The following AGBL2 variants were observed in gnomAD, a reference collection of about 807,000 sequenced individuals.
The protein encoded by AGBL2 is cytosolic carboxypeptidase 2.
In AGBL2, 87 loss-of-function variants were observed where a neutral mutation model predicts 103.0. The observed-to-expected ratio is 0.84, with a 90% CI of 0.71 to 1.01. The LOEUF is 1.01. AGBL2 is among the 50% of genes least tolerant of loss of function. The probability of loss-of-function intolerance (pLI) is 0.00; values close to 1 mark genes in which losing one functional copy is unlikely to be tolerated. For synonymous variants in AGBL2, 335 were observed against 356.7 expected (o/e 0.94, Z 0.69); for missense variants, 904 against 1,023.5 (o/e 0.88, Z 1.59).
At position 47,714,616 on chromosome 11, in the gene AGBL2, A is replaced by G. The variant is rs2097545039; in HGVS notation, c.33+2T>C. 6.2e-7 allele frequency: 1 copy of G among 1,613,550 alleles called. No homozygotes were observed. Among genetic ancestry groups the G allele is most frequent in the Admixed American group, 1.7e-5 (1 of 59,884 alleles). On this transcript the variant is annotated splice_donor_variant, in intron 2 of 18. Coordinates refer to ENST00000525123, the MANE Select transcript of AGBL2 (RefSeq NM_024783.4). LOFTEE classifies it high-confidence loss of function. The stretch of plus-strand genomic sequence containing the variant: ...CTGTGGCTTTCCGTGTTGTGTACCG[A>G]CCTGCTTTAGGTGCGTTTCCAAAGC...
chr11:47,669,551 C>T (rs556993197), intron 14 of AGBL2, among the ~76,000 whole-genome samples: 7 of 151,940 alleles, frequency 4.6e-5, no homozygotes, highest in Admixed American at 2.0e-4. Flanking sequence ...TGGTGGCGCA[C>T]GCCTGTAGTC....
intron 3 of AGBL2, among the ~76,000 whole-genome samples, chr11:47,711,913 C>CA (rs1004739110): frequency 1.3e-5 from 2 of 151,930 alleles, no homozygotes; most frequent in Non-Finnish European, 2.9e-5. Flanking sequence ...CATGTCTCTA[C>CA]AAAAAAAATT....
chr11:47,695,137 G>C (rs543268419), intron 8 of AGBL2, among the ~76,000 whole-genome samples: 1 of 150,406 alleles, frequency 6.6e-6, no homozygotes, highest in South Asian at 2.1e-4. Context: ...GCAACAGACC[G>C]AGACTCCGTC....
chr11:47,713,205 G>T (rs2097540503), intron 3 of AGBL2, among the ~76,000 whole-genome samples: 1 of 151,092 alleles, frequency 6.6e-6, no homozygotes, highest in South Asian at 2.1e-4. Context: ...TTAGCTGGGA[G>T]TGGTGGTGGG....
At chr11:47,706,266 C>T (rs2097518919) in intron 4 of AGBL2, among the ~76,000 whole-genome samples, 1 of 152,032 alleles carries the variant, frequency 6.6e-6, no homozygotes, top group Admixed American at 6.6e-5. Flanking sequence ...CCTGTAATCC[C>T]AGCACTTTGG....
At chr11:47,693,687 G>T (rs887093020) in intron 8 of AGBL2, among the ~76,000 whole-genome samples, 1 of 152,034 alleles carries the variant, frequency 6.6e-6, no homozygotes, top group South Asian at 2.1e-4. Flanking sequence ...TTTTGTATTG[G>T]CTATTCAGGG....
intron 14 of AGBL2, among the ~76,000 whole-genome samples, chr11:47,672,584 A>C (rs1050809624): frequency 6.6e-6 from 1 of 152,080 alleles, no homozygotes; most frequent in Non-Finnish European, 1.5e-5. Flanking sequence ...CAAAGTGCTA[A>C]GACTACAGGC....
chr11:47,679,443 G>A (rs562232820), intron 13 of AGBL2, among the ~76,000 whole-genome samples: 10 of 151,914 alleles, frequency 6.6e-5, no homozygotes, highest in South Asian at 2.1e-4. Flanking sequence ...AGAAGTGAGG[G>A]AGAGGTGTTC....
chr11:47,664,893 T>A (rs1394418182), intron 17 of AGBL2, among the ~76,000 whole-genome samples: 2 of 149,942 alleles, frequency 1.3e-5, no homozygotes, highest in Admixed American at 6.7e-5. Context: ...TTTTTTTTTT[T>A]TAATTTTTAG....
chr11:47,675,050 T>C (rs1489601901), intron 14 of AGBL2, among the ~76,000 whole-genome samples: 1 of 151,822 alleles, frequency 6.6e-6, no homozygotes, highest in Non-Finnish European at 1.5e-5. Flanking sequence ...TTTTAAAAAA[T>C]CACTCTTCTG....
At chr11:47,685,710 C>T (rs2097420934) in intron 11 of AGBL2, among the ~76,000 whole-genome samples, 183 bp downstream of exon 11, 1 of 152,106 alleles carries the variant, frequency 6.6e-6, no homozygotes. Context: ...GTGTGAGCCA[C>T]TGTGCCTGGC....
At chr11:47,687,074 C>T (rs1439714378) in intron 10 of AGBL2, among the ~76,000 whole-genome samples, 2 of 147,862 alleles carry the variant, frequency 1.4e-5, no homozygotes, top group Admixed American at 6.8e-5. Flanking sequence ...CACATGTATA[C>T]ATATGTAACT....
At chr11:47,676,663 CA>C (rs1279306442) in intron 14 of AGBL2, among the ~76,000 whole-genome samples, 42 of 151,896 alleles carry the variant, frequency 2.8e-4, no homozygotes, top group Non-Finnish European at 5.2e-4. Flanking sequence ...ACTAAAAATA[CA>C]AAAAATTAGC....
chr11:47,714,572 G>C, intron 2 of AGBL2, 46 bp downstream of exon 2: 1 of 1,601,158 alleles, frequency 6.2e-7, no homozygotes, highest in South Asian at 1.1e-5. Context: ...CGAAGAAATG[G>C]AGTTCCCCGA....
intron 10 of AGBL2, among the ~76,000 whole-genome samples, chr11:47,689,682 G>A (rs1281497406): frequency 6.6e-6 from 1 of 152,118 alleles, no homozygotes; most frequent in Admixed American, 6.6e-5. Context: ...AAGATTAAAT[G>A]AGTCATGTGT....
At position 47,666,981 on chromosome 11, in the gene AGBL2, T is replaced by C. The variant is rs1421194481; in HGVS notation, c.2423A>G (p.Lys808Arg). 1.2e-6 allele frequency: 2 copies of C among 1,613,546 alleles called. No individual in the cohort carries two copies. Among genetic ancestry groups the C allele is most frequent in the Non-Finnish European group, 1.7e-6 (2 of 1,179,726 alleles). The part of the protein sequence containing the change: ...NSENSSFLPM[K>R]NENPRLNETN... The stretch of plus-strand genomic sequence containing the variant: ...CTCATTTAACCTTGGGTTTTCATTT[T>C]TCATTGGTAAAAAACTGGAATTCTC... Residue 808 changes from lysine (K) to arginine (R), a missense_variant, in exon 17 of 19, where the codon AAA becomes AGA. Transcript: ENST00000525123.
intron 18 of AGBL2, among the ~76,000 whole-genome samples, chr11:47,660,566 T>TG (rs1356073539): frequency 6.6e-6 from 1 of 151,778 alleles, no homozygotes; most frequent in East Asian, 1.9e-4. Flanking sequence ...ATTTTTTTTT[T>TG]TTTTTGAGAT....
chr11:47,666,680 T>G (rs2097342182), intron 17 of AGBL2: 4 of 578,478 alleles, frequency 6.9e-6, no homozygotes, highest in Non-Finnish European at 9.1e-6. Flanking sequence ...AGTAGATGGG[T>G]GAGTAGAGGG....
intron 8 of AGBL2, 58 bp downstream of exon 8, chr11:47,699,386 CAT>C (rs2097489299): frequency 1.1e-6 from 1 of 950,948 alleles, no homozygotes; most frequent in East Asian, 2.7e-5. Context: ...TATTATGGAA[CAT>C]ATGTTTATTA....
Sources: allele counts gnomAD v4.1 joint callset (sites outside exome capture counted in the v4.1 genomes callset), GRCh38; gene constraint gnomAD v4.1.1; transcripts MANE v1.5; gene names NCBI Gene and HGNC (gene_info 2026-07-23, HGNC 2026-07-21).